A4GNT: variants seen among roughly 807,000 people sequenced by gnomAD.
A4GNT encodes alpha-1,4-N-acetylglucosaminyltransferase.
A4GNT carries 6 observed loss-of-function variants against 8.3 expected under a neutral mutation model. That is an observed-to-expected ratio of 0.72 (90% CI 0.39 to 1.42). The LOEUF (loss-of-function observed/expected upper bound fraction) is 1.42, where lower values mean the gene tolerates loss of function less well. Among genes scored for constraint, A4GNT ranks in the 40% most tolerant of loss-of-function variants. A4GNT has a pLI of 0.02. For synonymous variants in A4GNT, 157 were observed against 159.8 expected (o/e 0.98, Z 0.13); for missense variants, 377 against 417.0 (o/e 0.90, Z 0.84).
chr3:138,126,933 CAGCCTGGCCA>C (rs1430179780), intron 2 of A4GNT, among the ~76,000 whole-genome samples: 5 of 150,928 alleles, frequency 3.3e-5, no homozygotes, highest in Non-Finnish European at 3.0e-5. Flanking sequence ...AGTTGGAGAC[CAGCCTGGCCA>C]ACATAGTGAA....
At chr3:138,127,285 A>G (rs2042751419) in intron 2 of A4GNT, among the ~76,000 whole-genome samples, 1 of 151,814 alleles carries the variant, frequency 6.6e-6, no homozygotes, top group Non-Finnish European at 1.5e-5. Flanking sequence ...GTTAAAAATT[A>G]TGACCAGGGG....
Position 138,123,851 on chromosome 3 carries a change from C to A in A4GNT, c.*413G>T, listed in dbSNP as rs1324188294. The stretch of plus-strand genomic sequence containing the variant: ...TTACTGTATTAAATAGAACATGTAG[C>A]AAAACTGTTAGCTGCCTATCCCAGT... On this transcript the variant is annotated 3_prime_UTR_variant, in exon 3 of 3. Coordinates refer to ENST00000236709, the MANE Select transcript of A4GNT (RefSeq NM_016161.3). 5.9e-6 allele frequency: 1 copy of A among 168,620 alleles called. No individual in the cohort carries two copies. Among genetic ancestry groups the A allele is most frequent in the Non-Finnish European group, 1.3e-5 (1 of 78,486 alleles). 10.4% of individuals were successfully genotyped at this position (168,620 alleles called of 1,614,324 possible).
chr3:138,130,790 A>C, intron 2 of A4GNT, 59 bp downstream of exon 2: 4 of 1,555,186 alleles, frequency 2.6e-6, no homozygotes. Flanking sequence ...CTGAGTCCTT[A>C]CCCTCAGTTT....
Position 138,124,598 on chromosome 3 carries a change from C to G in A4GNT, c.689G>C (p.Arg230Thr), listed in dbSNP as rs758391584. 11 of 1,614,244 alleles carry G rather than the reference C, an allele frequency of 6.8e-6. No homozygotes were observed. Among genetic ancestry groups the G allele is most frequent in the Non-Finnish European group, 8.5e-6 (10 of 1,180,048 alleles). The change falls in exon 3 of 3, where the codon AGG (arginine) becomes ACG (threonine). Residue 230 changes from arginine to threonine, a missense_variant. Transcript: ENST00000236709. ...AAGTTTACACCATACCCTCAACATCCTTGTCATCAACTCAGGGCCTTGGTT... is the reference window on the plus strand; with the variant it reads ...AAGTTTACACCATACCCTCAACATCGTTGTCATCAACTCAGGGCCTTGGTT... ...WGNQGPELMT[R>T]MLRVWCKLED...
At chr3:138,127,265 T>G (rs1030838846) in intron 2 of A4GNT, among the ~76,000 whole-genome samples, 2 of 151,976 alleles carry the variant, frequency 1.3e-5, no homozygotes, top group African/African-American at 4.8e-5. Flanking sequence ...TGATCATTCC[T>G]ATTTTTTAAG....
At chr3:138,129,661 T>G (rs1026284980) in intron 2 of A4GNT, among the ~76,000 whole-genome samples, 2 of 152,164 alleles carry the variant, frequency 1.3e-5, no homozygotes, top group African/African-American at 4.8e-5. Flanking sequence ...ATCCTCAATT[T>G]TACCACCTTA....
chr3:138,128,656 A>G (rs868487620), intron 2 of A4GNT, among the ~76,000 whole-genome samples: 8 of 152,182 alleles, frequency 5.3e-5, no homozygotes, highest in Non-Finnish European at 8.8e-5. Context: ...ATATATTCAA[A>G]CTATATCAGG....
intron 2 of A4GNT, among the ~76,000 whole-genome samples, chr3:138,127,642 T>C (rs2042754178): frequency 6.6e-6 from 1 of 151,922 alleles, no homozygotes; most frequent in Admixed American, 6.5e-5. Context: ...TTTAAGGTTC[T>C]AGCTGCTCAG....
chr3:138,124,212 C>G lies in A4GNT; in HGVS notation c.*52G>C. 6.4e-7 allele frequency: 1 copy of G among 1,565,496 alleles called. No individual in the cohort carries two copies. Among genetic ancestry groups the G allele is most frequent in the East Asian group, 2.3e-5 (1 of 44,416 alleles). ...GTGGAGATCAAGTGAAAATGTGGCA[C>G]TCCAGGAAATGTCCATTTCCACACT... On this transcript the variant is annotated 3_prime_UTR_variant, in exon 3 of 3. Coordinates refer to ENST00000236709, the MANE Select transcript of A4GNT (RefSeq NM_016161.3).
intron 2 of A4GNT, among the ~76,000 whole-genome samples, chr3:138,126,524 T>G (rs1159325984): frequency 6.7e-5 from 2 of 29,820 alleles, no homozygotes; most frequent in African/African-American, 1.8e-4. Flanking sequence ...CTTCACAAGT[T>G]GTTAAAAATT....
chr3:138,129,084 A>G (rs1559875304), intron 2 of A4GNT, among the ~76,000 whole-genome samples: 1 of 151,980 alleles, frequency 6.6e-6, no homozygotes, highest in Non-Finnish European at 1.5e-5. Flanking sequence ...AGTCCAAAAA[A>G]TGTCTCCAGC....
chr3:138,130,756 G>T, intron 2 of A4GNT, 93 bp downstream of exon 2: 2 of 1,374,510 alleles, frequency 1.5e-6, no homozygotes, highest in Non-Finnish European at 2.0e-6. Context: ...CAACCCAAAT[G>T]TGGGTTCTAT....
chr3:138,128,441 A>T (rs1365999905), intron 2 of A4GNT, among the ~76,000 whole-genome samples: 5 of 151,312 alleles, frequency 3.3e-5, no homozygotes, highest in African/African-American at 9.7e-5. Flanking sequence ...GGCGCATCAC[A>T]TGGCGAGAGC....
chr3:138,123,941 T>C lies in A4GNT; in HGVS notation c.*323A>G. The stretch of plus-strand genomic sequence containing the variant: ...TGCAGCTACATCTCAGTCAGTGCAA[T>C]GTAAGAGAAAGTGTTATACGGTACT... On this transcript the variant is annotated 3_prime_UTR_variant, in exon 3 of 3. Coordinates refer to ENST00000236709, the MANE Select transcript of A4GNT (RefSeq NM_016161.3). The C allele has an allele frequency of 7.7e-6, 2 of 258,802 alleles. No homozygotes were observed. The highest frequency in any genetic ancestry group is 1.5e-5 in the Non-Finnish European group (2 of 134,592). The allele number at this position is 258,802 out of a possible 1,614,324, so 16.0% of individuals were successfully genotyped here.
chr3:138,130,122 A>G lies in A4GNT; in HGVS notation c.408+727T>C, dbSNP rs1376709143. 3.3e-5 allele frequency among the ~76,000 whole-genome samples: 5 copies of G among 151,726 alleles called. No individual in the cohort carries two copies. In the East Asian group the frequency reaches 7.7e-4, roughly 23 times the overall value. ...TCAATAGATGTGTGTGGGTTTTTGC[A>G]TAACTTAAATCGTTATAACTATTAT... is the stretch of plus-strand genomic sequence containing the variant. On this transcript the variant is annotated intron_variant, in intron 2 of 2. Coordinates refer to ENST00000236709, the MANE Select transcript of A4GNT (RefSeq NM_016161.3).
intron 2 of A4GNT, among the ~76,000 whole-genome samples, chr3:138,127,602 G>A (rs959475721): frequency 1.3e-5 from 2 of 151,262 alleles, no homozygotes; most frequent in Non-Finnish European, 2.9e-5. Flanking sequence ...AAACATAAGC[G>A]CTCCAATAAG....
chr3:138,131,187 T>A lies in A4GNT; in HGVS notation c.70A>T (p.Thr24Ser), dbSNP rs774285689. 3 of 1,612,374 alleles carry A rather than the reference T, an allele frequency of 1.9e-6. No individual in the cohort carries two copies. The highest frequency in any genetic ancestry group is 3.3e-5 in the Admixed American group (2 of 59,916). Residue 24 changes from threonine (T) to serine (S), a missense_variant, in exon 2 of 3, where the codon ACC becomes TCC. Thr to Ser is a moderately conservative substitution (Grantham distance 58). Coordinates refer to ENST00000236709, the MANE Select transcript of A4GNT (RefSeq NM_016161.3). Reference sequence around the variant, plus strand: ...CAGAAGAGGCAGCTGGACTTCAGGGTGAACTGGTAGAGGAAGCCACAGACA... The same window carrying A: ...CAGAAGAGGCAGCTGGACTTCAGGGAGAACTGGTAGAGGAAGCCACAGACA... ...LLVCGFLYQF[T>S]LKSSCLFCLP...
chr3:138,130,739 T>G (rs2107888112), intron 2 of A4GNT, 110 bp downstream of exon 2: 108 of 1,216,106 alleles, frequency 8.9e-5, no homozygotes, highest in Non-Finnish European at 1.1e-4. Flanking sequence ...GAGGGCCAAA[T>G]GAGAGTCAAC....
At position 138,124,364 on chromosome 3, in the gene A4GNT, A is replaced by G. The variant is rs1197318110; in HGVS notation, c.923T>C (p.Val308Ala). Residue 308 changes from valine (V) to alanine (A), a missense_variant, in exon 3 of 3, where the codon GTG becomes GCG. By Grantham distance (64) the Val-to-Ala change is moderately conservative. Transcript: ENST00000236709. ...ACAGTGCTTGCGATAGAGATTTTCC[A>G]CCAGTGTGTTGCTTCCTCTAATCAC... Reference protein sequence around the residue: ...RAVIRGSNTLVENLYRKHCPR... With the variant: ...RAVIRGSNTLAENLYRKHCPR... 9 of 1,614,190 alleles carry G rather than the reference A, an allele frequency of 5.6e-6. No homozygotes were observed. In the South Asian group the frequency reaches 9.9e-5, roughly 18 times the overall value.
Sources: gnomAD v4.1 joint callset for allele counts (sites outside exome capture counted in the v4.1 genomes callset) on GRCh38, gnomAD v4.1.1 for gene constraint, MANE v1.5 for transcripts, NCBI Gene and HGNC (gene_info 2026-07-23, HGNC 2026-07-21) for gene names.